The following IDUA variants were observed in gnomAD, a reference collection of about 807,000 sequenced individuals.
IDUA encodes alpha-L-iduronidase, also known as iduronidase alpha-L-.
In IDUA, 65 loss-of-function variants were observed where a neutral mutation model predicts 68.9. That is an observed-to-expected ratio of 0.94 (90% CI 0.77 to 1.16). The LOEUF (loss-of-function observed/expected upper bound fraction) is 1.16, where lower values mean the gene tolerates loss of function less well. Ranked by LOEUF, IDUA falls within the 50% of genes most tolerant of loss-of-function variation. The pLI is 0.00. For synonymous variants in IDUA, 529 were observed against 433.6 expected (o/e 1.22, Z -2.73); for missense variants, 1,046 against 938.0 (o/e 1.12, Z -1.50).
rs376679458 is a variant in IDUA, at chr4:1,000,838, G to T, written c.386-44G>T. On this transcript the variant is annotated intron_variant, in intron 3 of 13. Coordinates refer to ENST00000514224, the MANE Select transcript of IDUA (RefSeq NM_000203.5). ...GGAGCACAGGCCTGGCAGAGCATGGGTGTGGTGTGTGGTGGGCGGTGGGGC... is the reference window on the plus strand; with the variant it reads ...GGAGCACAGGCCTGGCAGAGCATGGTTGTGGTGTGTGGTGGGCGGTGGGGC... The T allele has an allele frequency of 3.2e-6, 5 of 1,539,456 alleles. No homozygotes were observed. In the African/African-American group the frequency reaches 5.4e-5, roughly 17 times the overall value.
At chr4:988,803 A>G (rs1713954687) in intron 2 of IDUA, 3 of 1,520,034 alleles carry the variant, frequency 2.0e-6, no homozygotes, top group African/African-American at 1.4e-5. Flanking sequence ...CCCAGGAGGG[A>G]GCAGAGGCTG....
At chr4:1,003,311 C>A (rs1322681455) in intron 10 of IDUA, 34 bp from the exon 11 acceptor site, 3 of 1,423,978 alleles carry the variant, frequency 2.1e-6, no homozygotes, top group Non-Finnish European at 2.7e-6. Flanking sequence ...CCCAGCTCCC[C>A]TGGAGAACCC....
rs369173824 is a variant in IDUA at position 991,221 on chromosome 4, G to T, written c.299+3272G>T. On this transcript the variant is annotated intron_variant, in intron 2 of 13. Coordinates refer to ENST00000514224, the MANE Select transcript of IDUA (RefSeq NM_000203.5). ...CCAGCATGGCAGCCGAGCCGTTGAG[G>T]GTGCTGCTGTTGGCTCCGGGCTGCA... 14 of 1,610,032 alleles carry T rather than the reference G, an allele frequency of 8.7e-6. No individual in the cohort carries two copies. In the African/African-American group the frequency reaches 1.6e-4, roughly 18 times the overall value.
intron 8 of IDUA, 89 bp from the exon 9 acceptor site, chr4:1,002,642 AG>A: frequency 8.5e-7 from 1 of 1,172,770 alleles, no homozygotes. Flanking sequence ...CACCAAGGGG[AG>A]GGGGAGCGAG....
At chr4:993,714 T>C (rs1714547540) in intron 2 of IDUA, among the ~76,000 whole-genome samples, 1 of 151,938 alleles carries the variant, frequency 6.6e-6, no homozygotes, top group African/African-American at 2.4e-5. Context: ...TGGGGTCGAG[T>C]GCAGCAGCCT....
chr4:989,192 C>T lies in IDUA; in HGVS notation c.299+1243C>T, dbSNP rs141080794. The T allele has an allele frequency of 3.8e-5, 61 of 1,607,208 alleles. No individual in the cohort carries two copies. The highest frequency in any genetic ancestry group is 1.6e-4 in the Middle Eastern group (1 of 6,072). The stretch of plus-strand genomic sequence containing the variant: ...TCGCCCTGGGCAGGGCCTCCCTCAC[C>T]GACCCCCGTCTCTGAGCCCCCCTCC... On this transcript the variant is annotated intron_variant, in intron 2 of 13. Coordinates refer to ENST00000514224, the MANE Select transcript of IDUA (RefSeq NM_000203.5).
In IDUA at chr4:1,001,847, G is replaced by A. The variant is rs1167839388; in HGVS notation, c.758G>A (p.Gly253Asp). ...ACCAACTTCTTCACTGGGGAGGCGG[G>A]CGTGCGGCTGGACTACATCTCCCTC... ...DGTNFFTGEA[G>D]VRLDYISLHR... The change falls in exon 6 of 14, where the codon GGC becomes GAC. Residue 253 changes from glycine to aspartate, a missense_variant. Gly to Asp is a moderately conservative substitution (Grantham distance 94). Transcript: ENST00000514224. 1.9e-6 allele frequency: 3 copies of A among 1,598,104 alleles called. No homozygotes were observed. Among genetic ancestry groups the A allele is most frequent in the Admixed American group, 1.7e-5 (1 of 57,638 alleles).
chr4:1,004,559 A>T lies in IDUA; in HGVS notation c.*166A>T. 1 of 698,262 alleles carries T rather than the reference A, an allele frequency of 1.4e-6. No individual in the cohort carries two copies. Among genetic ancestry groups the T allele is most frequent in the Non-Finnish European group, 2.3e-6 (1 of 438,618 alleles). The allele number at this position is 698,262 out of a possible 1,614,324, so 43.3% of individuals were successfully genotyped here. ...CGCCCCCTTTAAAGCGGCTTTGCAC[A>T]GGTCAGTCTCGGGTTGAGGCTCTGT... On this transcript the variant is annotated 3_prime_UTR_variant, in exon 14 of 14. Coordinates refer to ENST00000514224, the MANE Select transcript of IDUA (RefSeq NM_000203.5). The surrounding 1 kb of genome is among the most constrained non-coding windows in gnomAD (Gnocchi z 5.0).
At position 1,002,887 on chromosome 4, in the gene IDUA, C is replaced by T; in HGVS notation, c.1345C>T (p.His449Tyr). ...LIYASDDTRA[H>Y]PNRSVAVTLR... is the part of the protein sequence containing the mutation. The stretch of plus-strand genomic sequence containing the variant: ...CTACGCGAGCGACGACACCCGCGCC[C>T]ACCCCAACCGCAGCGTCGCGGTGAC... The change falls in exon 9 of 14, where the codon CAC (histidine) becomes TAC (tyrosine). Residue 449 changes from histidine to tyrosine, a missense_variant. By Grantham distance (83) the His-to-Tyr change is moderately conservative. Transcript: ENST00000514224. 7.0e-7 allele frequency: 1 copy of T among 1,430,632 alleles called. No homozygotes were observed. 88.6% of individuals were successfully genotyped at this position (1,430,632 alleles called of 1,614,324 possible). A position where few individuals can be genotyped will look rare whatever the true frequency, so the allele number is the denominator to read the frequency against.
chr4:991,307 C>T (rs1350416635), intron 2 of IDUA: 1 of 1,612,784 alleles, frequency 6.2e-7, no homozygotes, highest in South Asian at 1.1e-5. Flanking sequence ...ACCTGCCCCA[C>T]CATGAGGCAA....
intron 2 of IDUA, chr4:990,039 C>T: frequency 6.3e-7 from 1 of 1,598,528 alleles, no homozygotes; most frequent in Non-Finnish European, 8.5e-7. Context: ...GTGTGGCCAC[C>T]ACGATGACCA....
chr4:1,002,395 G>A lies in IDUA; in HGVS notation c.1099G>A (p.Ala367Thr), dbSNP rs751547595. 2.2e-5 allele frequency: 36 copies of A among 1,604,256 alleles called. No homozygotes were observed. Among genetic ancestry groups the A allele is most frequent in the Non-Finnish European group, 2.9e-5 (34 of 1,175,998 alleles). The part of the protein sequence containing the change: ...PHPFAQRTLT[A>T]RFQVNNTRPP... ...CCCCTTCGCGCAGCGCACGCTCACC[G>A]CGCGCTTCCAGGTCAACAACACCCG... The change falls in exon 8 of 14, where the codon GCG (alanine) becomes ACG (threonine). Residue 367 changes from alanine (A) to threonine (T), a missense_variant. By Grantham distance (58) the Ala-to-Thr change is moderately conservative. Transcript: ENST00000514224.
intron 1 of IDUA, 29 bp downstream of exon 1, chr4:987,271 C>T (rs1295144905): frequency 2.0e-6 from 3 of 1,510,996 alleles, no homozygotes; most frequent in South Asian, 1.2e-5. Context: ...CCGGGACCCC[C>T]TGGCCGCACG....
At chr4:1,003,202 C>T in intron 10 of IDUA, 45 bp downstream of exon 10, 4 of 1,277,654 alleles carry the variant, frequency 3.1e-6, no homozygotes, top group African/African-American at 1.6e-5. Context: ...GGGCCGGGGT[C>T]CCGGGGGGGT....
At chr4:998,228 G>A (rs548133495) in intron 2 of IDUA, among the ~76,000 whole-genome samples, 3 of 152,156 alleles carry the variant, frequency 2.0e-5, no homozygotes, top group Non-Finnish European at 2.9e-5. Flanking sequence ...CAGCAGAGGC[G>A]GGGCGGAGCA....
chr4:987,130 T>C lies in IDUA; in HGVS notation c.46T>C (p.Ser16Pro), dbSNP rs1277306813. Reference protein sequence around the residue: ...PRAALLALLASLLAAPPVAPA... With the variant: ...PRAALLALLAPLLAAPPVAPA... ...CGCCGCGCTGCTGGCGCTCCTGGCC[T>C]CGCTCCTGGCCGCGCCCCCGGTGGC... Residue 16 changes from serine (S) to proline (P), a missense_variant, in exon 1 of 14, where the codon TCG becomes CCG. Transcript: ENST00000514224. 12 of 1,438,082 alleles carry C rather than the reference T, an allele frequency of 8.3e-6. No homozygotes were observed. Among genetic ancestry groups the C allele is most frequent in the Non-Finnish European group, 1.1e-5 (12 of 1,100,526 alleles). 89.1% of individuals were successfully genotyped at this position (1,438,082 alleles called of 1,614,324 possible).
chr4:988,877 G>T (rs774975166), intron 2 of IDUA: 124 of 1,598,494 alleles, frequency 7.8e-5, no homozygotes, highest in Non-Finnish European at 1.0e-5. Context: ...TGGCGGGCTC[G>T]TGCTGTCTGC....
At chr4:987,985 C>T (rs1239254156) in intron 2 of IDUA, 36 bp downstream of exon 2, 2 of 1,541,966 alleles carry the variant, frequency 1.3e-6, no homozygotes, top group Non-Finnish European at 1.8e-6. Flanking sequence ...TCCCAGAGCC[C>T]CTTACAGAGG....
rs1442620997 is a variant in IDUA, at chr4:1,002,609, G to T, written c.1190-123G>T. ...CGCGCTTCCCGGGGTCGGCCTCCGC[G>T]TGGCGGGGCCTGGGGACTCCTTCAC... On this transcript the variant is annotated intron_variant, in intron 8 of 13. Coordinates refer to ENST00000514224, the MANE Select transcript of IDUA (RefSeq NM_000203.5). 1.8e-5 allele frequency: 21 copies of T among 1,173,228 alleles called. No homozygotes were observed. In the South Asian group the frequency reaches 2.6e-4, roughly 15 times the overall value. The allele number at this position is 1,173,228 out of a possible 1,614,324, so 72.7% of individuals were successfully genotyped here. A position where few individuals can be genotyped will look rare whatever the true frequency, so the allele number is the denominator to read the frequency against.
Sources: allele counts gnomAD v4.1 joint callset (sites outside exome capture counted in the v4.1 genomes callset), GRCh38; gene constraint gnomAD v4.1.1; non-coding constraint Gnocchi (gnomAD v3.1); transcripts MANE v1.5; gene names NCBI Gene and HGNC (gene_info 2026-07-23, HGNC 2026-07-21).